The following PLD5 variants were observed in gnomAD, a reference collection of about 807,000 sequenced individuals.
PLD5 encodes phospholipase D family member 5, also known as inactive phospholipase D5.
PLD5 carries 36 observed loss-of-function variants against 61.1 expected under a neutral mutation model. The ratio of observed to expected loss-of-function variants is 0.59; its 90% CI spans 0.45 to 0.78. PLD5 has a LOEUF of 0.78. Among genes scored for constraint, PLD5 ranks in the 30% least tolerant of loss-of-function variants. The probability of loss-of-function intolerance (pLI) is 0.00; values close to 1 mark genes in which losing one functional copy is unlikely to be tolerated. For synonymous variants in PLD5, 243 were observed against 242.8 expected (o/e 1.00, Z -0.01); for missense variants, 515 against 644.4 (o/e 0.80, Z 2.17).
intron 5 of PLD5, among the ~76,000 whole-genome samples, chr1:242,163,480 A>T (rs570294645): frequency 6.6e-6 from 1 of 152,190 alleles, no homozygotes; most frequent in Non-Finnish European, 1.5e-5. Context: ...AGAAGAGAGA[A>T]ATCCTGTGTG....
At chr1:242,379,644 G>A (rs1662170535) in intron 1 of PLD5, among the ~76,000 whole-genome samples, 2 of 151,704 alleles carry the variant, frequency 1.3e-5, no homozygotes, top group African/African-American at 4.8e-5. Context: ...TGAGTTTTAC[G>A]CTGTCTTAGA....
At chr1:242,262,235 AT>A (rs1673415170) in intron 4 of PLD5, among the ~76,000 whole-genome samples, 2 of 152,330 alleles carry the variant, frequency 1.3e-5, no homozygotes, top group Admixed American at 1.3e-4. Context: ...TTCTATTTAT[AT>A]AAAGCTCAAA....
At chr1:242,366,392 C>T (rs1348895141) in intron 1 of PLD5, among the ~76,000 whole-genome samples, 1 of 152,064 alleles carries the variant, frequency 6.6e-6, no homozygotes, top group Non-Finnish European at 1.5e-5. Flanking sequence ...TCTTATTTTC[C>T]CATGCCTAAC....
chr1:242,305,647 T>C (rs1676306182), intron 2 of PLD5, among the ~76,000 whole-genome samples: 2 of 151,960 alleles, frequency 1.3e-5, no homozygotes, highest in Admixed American at 1.3e-4. Context: ...GCAACCTCCA[T>C]CTCCATGGTT....
At chr1:242,449,344 A>G (rs1666687195) in intron 1 of PLD5, 2 of 1,536,086 alleles carry the variant, frequency 1.3e-6, no homozygotes, top group East Asian at 4.9e-5. Context: ...AAAACTCCAG[A>G]GTTTCTTACC....
chr1:242,171,838 A>C (rs1029146050), intron 5 of PLD5, among the ~76,000 whole-genome samples: 13 of 152,226 alleles, frequency 8.5e-5, no homozygotes, highest in African/African-American at 3.1e-4. Flanking sequence ...TGCAACAAGA[A>C]GAGCTTATCA....
intron 5 of PLD5, among the ~76,000 whole-genome samples, chr1:242,172,249 A>C (rs1002071180): frequency 1.3e-5 from 2 of 152,262 alleles, no homozygotes; most frequent in Admixed American, 1.3e-4. Context: ...AACTACATGG[A>C]AACTGAACAA....
chr1:242,119,499 T>G (rs1408851252), intron 6 of PLD5, among the ~76,000 whole-genome samples: 2 of 152,206 alleles, frequency 1.3e-5, no homozygotes, highest in African/African-American at 2.4e-5. Context: ...ACAACACAAA[T>G]TTTTTAAATA....
intron 4 of PLD5, among the ~76,000 whole-genome samples, chr1:242,239,737 C>T (rs551940100): frequency 4.6e-5 from 7 of 152,278 alleles, no homozygotes; most frequent in Admixed American, 1.3e-4. Flanking sequence ...TCGGGCAAGT[C>T]GTTTAATCTC....
Position 242,090,067 on chromosome 1 carries a change from G to C in PLD5, c.1398C>G (p.Gly466=). ...WVGNDFTQNA[G]TGLVINQADV... is the part of the protein sequence containing the mutation. ...CTGCCTGGTTGATAACAAGGCCCGT[G>C]CCAGCATTCTGAGTGAAATCATTCC... Residue 466 remains glycine, a synonymous_variant, in exon 10 of 10, where the codon GGC becomes GGG. Coordinates refer to ENST00000536534, the MANE Select transcript of PLD5 (RefSeq NM_001372062.1). 3 of 1,614,130 alleles carry C rather than the reference G, an allele frequency of 1.9e-6. No individual in the cohort carries two copies. The highest frequency in any genetic ancestry group is 2.5e-6 in the Non-Finnish European group (3 of 1,180,024).
intron 1 of PLD5, among the ~76,000 whole-genome samples, chr1:242,502,314 T>G (rs185617667): frequency 7.2e-5 from 11 of 152,330 alleles, no homozygotes; most frequent in African/African-American, 2.4e-4. Flanking sequence ...AACTGAGTGA[T>G]CCAGCCTTAG....
chr1:242,446,303 C>T, intron 1 of PLD5, among the ~76,000 whole-genome samples: 1 of 152,058 alleles, frequency 6.6e-6, no homozygotes, highest in Non-Finnish European at 1.5e-5. Flanking sequence ...GATGTGGTGA[C>T]TCATGCCTGT....
chr1:242,349,843 C>A (rs1660373047), intron 1 of PLD5, among the ~76,000 whole-genome samples: 1 of 152,128 alleles, frequency 6.6e-6, no homozygotes, highest in Non-Finnish European at 1.5e-5. Context: ...CTTTTGGGAG[C>A]TGATTAGGTC....
intron 3 of PLD5, among the ~76,000 whole-genome samples, chr1:242,270,246 G>GA (rs1191476819): frequency 6.7e-6 from 1 of 150,214 alleles, no homozygotes; most frequent in East Asian, 2.0e-4. Context: ...AACACAGATG[G>GA]AAAAACCACT....
chr1:242,412,374 T>C (rs1189685608), intron 1 of PLD5, among the ~76,000 whole-genome samples: 1 of 152,222 alleles, frequency 6.6e-6, no homozygotes, highest in Non-Finnish European at 1.5e-5. Context: ...ACAACCAGGA[T>C]ACTGACATTG....
intron 4 of PLD5, among the ~76,000 whole-genome samples, chr1:242,239,592 T>C (rs908658222): frequency 2.6e-5 from 4 of 152,178 alleles, no homozygotes; most frequent in Admixed American, 1.3e-4. Flanking sequence ...AAGAAGTCCT[T>C]CTTCCTGTCT....
chr1:242,470,042 A>T (rs769689326), intron 1 of PLD5, among the ~76,000 whole-genome samples: 2 of 152,144 alleles, frequency 1.3e-5, no homozygotes, highest in Non-Finnish European at 2.9e-5. Flanking sequence ...GATGGGTGCC[A>T]AGAAAATTGG....
In PLD5 at chr1:242,168,707, A is replaced by G. The variant is rs183926013; in HGVS notation, c.736-44042T>C. Among the ~76,000 whole-genome samples, 49 of 152,316 alleles carry G rather than the reference A, an allele frequency of 3.2e-4. 1 individual carries two copies. The highest frequency in any genetic ancestry group is 1.2e-3 in the African/African-American group (48 of 41,580). ...ATCCGCTGCAAAACATCTGTTTGAC[A>G]ATTGGATCTGAGGCTGCTTTGATGT... On this transcript the variant is annotated intron_variant, in intron 5 of 9. Transcript: ENST00000536534.
chr1:242,149,084 T>C (rs1664744868), intron 5 of PLD5, among the ~76,000 whole-genome samples: 1 of 152,030 alleles, frequency 6.6e-6, no homozygotes. Context: ...GTTGCTGACC[T>C]TAAGGGGAAA....
Sources: allele counts gnomAD v4.1 joint callset (sites outside exome capture counted in the v4.1 genomes callset), GRCh38; gene constraint gnomAD v4.1.1; transcripts MANE v1.5; gene names NCBI Gene and HGNC (gene_info 2026-07-23, HGNC 2026-07-21).